The following NEK5 variants were observed in gnomAD, a reference collection of about 807,000 sequenced individuals.
The protein encoded by NEK5 is NIMA related kinase 5.
In NEK5, 88 loss-of-function variants were observed where a neutral mutation model predicts 109.2. The ratio of observed to expected loss-of-function variants is 0.81; its 90% CI spans 0.68 to 0.96. The LOEUF is 0.96. NEK5 is among the 40% of genes least tolerant of loss of function. The probability of loss-of-function intolerance (pLI) is 0.00; values close to 1 mark genes in which losing one functional copy is unlikely to be tolerated. For missense variants in NEK5, 834 were observed against 920.7 expected (o/e 0.91, Z 1.22); for synonymous variants, 283 against 299.9 (o/e 0.94, Z 0.58).
In NEK5 at chr13:52,112,335, T is replaced by C; in HGVS notation, c.245A>G (p.Tyr82Cys). The C allele has an allele frequency of 6.2e-7, 1 of 1,609,506 alleles. No individual in the cohort carries two copies. The highest frequency in any genetic ancestry group is 8.5e-7 in the Non-Finnish European group (1 of 1,176,002). Residue 82 changes from tyrosine (Y) to cysteine (C), a missense_variant, in exon 5 of 24, where the codon TAT (tyrosine) becomes TGT (cysteine). This residue lies in a region of NEK5 where 777 missense variants were observed against 824.7 expected (regional missense o/e 0.94). Coordinates refer to ENST00000684899, the MANE Select transcript of NEK5 (RefSeq NM_001365552.1). ...ENGRLFIVMEYCDGGDLMKRI... is the reference protein window; with the variant it reads ...ENGRLFIVMECCDGGDLMKRI... ...TTTCATGAGATCCCCTCCATCACAATATTCCATTACAATAAACAGCCTGCC... is the reference window on the plus strand; with the variant it reads ...TTTCATGAGATCCCCTCCATCACAACATTCCATTACAATAAACAGCCTGCC...
intron 16 of NEK5, among the ~76,000 whole-genome samples, chr13:52,084,459 T>A (rs1398993686): frequency 2.6e-5 from 4 of 152,096 alleles, no homozygotes; most frequent in Non-Finnish European, 5.9e-5. Flanking sequence ...GCTCAAGCGA[T>A]CCTTCTGCCT....
At chr13:52,099,539 A>G (rs1446235004) in intron 12 of NEK5, among the ~76,000 whole-genome samples, 2 of 152,156 alleles carry the variant, frequency 1.3e-5, no homozygotes. Flanking sequence ...GCATAGTGGC[A>G]CACGTCTGTA....
chr13:52,076,163 TACAA>T lies in NEK5; in HGVS notation c.1573-24_1573-21del. 1 of 1,361,556 alleles carries T rather than the reference TACAA, an allele frequency of 7.3e-7. No homozygotes were observed. Among genetic ancestry groups the T allele is most frequent in the Non-Finnish European group, 1.0e-6 (1 of 959,748 alleles). 84.3% of individuals were successfully genotyped at this position (1,361,556 alleles called of 1,614,324 possible). On this transcript the variant is annotated intron_variant, in intron 17 of 23. Transcript: ENST00000684899. ...AATGTCCTGAAAATTTAGAGAAAAA[TACAA>T]TTCTCTCACTGTATGTTTACATGAG... is the stretch of plus-strand genomic sequence containing the variant.
chr13:52,119,567 T>C lies in NEK5; in HGVS notation c.118-152A>G, dbSNP rs1342343802. 1.2e-5 allele frequency: 6 copies of C among 506,222 alleles called. No individual in the cohort carries two copies. In the East Asian group the frequency reaches 1.4e-4, roughly 12 times the overall value. 31.4% of individuals were successfully genotyped at this position (506,222 alleles called of 1,614,324 possible). A position where few individuals can be genotyped will look rare whatever the true frequency, so the allele number is the denominator to read the frequency against. On this transcript the variant is annotated intron_variant, in intron 3 of 23. Coordinates refer to ENST00000684899, the MANE Select transcript of NEK5 (RefSeq NM_001365552.1). ...TTTCAATGGCAGGAAACAACATTTCTAGAATTAGCAGAGTGCCCTACATCT... is the reference window on the plus strand; with the variant it reads ...TTTCAATGGCAGGAAACAACATTTCCAGAATTAGCAGAGTGCCCTACATCT...
chr13:52,038,259 T>C (rs1593912287), intron 23 of NEK5, among the ~76,000 whole-genome samples: 1 of 151,254 alleles, frequency 6.6e-6, no homozygotes, highest in Non-Finnish European at 1.5e-5. Context: ...GAGGCGGAGG[T>C]TGCAGTGAGC....
At position 52,072,041 on chromosome 13, in the gene NEK5, G is replaced by A. The variant is rs1954793400; in HGVS notation, c.1752C>T (p.Thr584=). Residue 584 remains threonine, a synonymous_variant, in exon 20 of 24, where the codon ACC becomes ACT. Transcript: ENST00000684899. ...EAMDIPNETL[T]FEDGMKFKEY... is the part of the protein sequence containing the mutation. The stretch of plus-strand genomic sequence containing the variant: ...CCTTAAACTTCATGCCATCCTCAAA[G>A]GTCAAAGTTTCATTTGGTATATCCA... 1 of 1,610,822 alleles carries A rather than the reference G, an allele frequency of 6.2e-7. No individual in the cohort carries two copies. Among genetic ancestry groups the A allele is most frequent in the Non-Finnish European group, 8.5e-7 (1 of 1,177,198 alleles).
At chr13:52,086,544 A>G (rs1393135243) in intron 15 of NEK5, among the ~76,000 whole-genome samples, 181 bp from the exon 16 acceptor site, 1 of 152,260 alleles carries the variant, frequency 6.6e-6, no homozygotes, top group African/African-American at 2.4e-5. Context: ...CCTGTGAGAC[A>G]GTGGCTTTAG....
Position 52,083,760 on chromosome 13 carries a change from T to G in NEK5, c.1480-408A>C, listed in dbSNP as rs1009721752. ...ACTGTGTTAGCCAGGATGATCTCGA[T>G]CTCCCGACCTCGTGATCCGCCCACC... On this transcript the variant is annotated intron_variant, in intron 16 of 23. Transcript: ENST00000684899. 3.3e-5 allele frequency among the ~76,000 whole-genome samples: 5 copies of G among 152,104 alleles called. No individual in the cohort carries two copies. The East Asian group carries it at 9.6e-4, about 29-fold the overall frequency.
chr13:52,056,498 T>G (rs2137716645), intron 22 of NEK5, among the ~76,000 whole-genome samples: 1 of 148,388 alleles, frequency 6.7e-6, no homozygotes, highest in South Asian at 2.2e-4. Context: ...ATATACATTT[T>G]TTTCAGCACC....
intron 15 of NEK5, among the ~76,000 whole-genome samples, 200 bp from the exon 16 acceptor site, chr13:52,086,563 C>CA: frequency 6.6e-6 from 1 of 152,174 alleles, no homozygotes; most frequent in Non-Finnish European, 1.5e-5. Flanking sequence ...AGCTACAGAG[C>CA]TCAATTTTAT....
chr13:52,103,973 T>A (rs928065663), intron 9 of NEK5, among the ~76,000 whole-genome samples: 14 of 152,006 alleles, frequency 9.2e-5, no homozygotes, highest in African/African-American at 2.4e-4. Flanking sequence ...TAATTAATTA[T>A]TTTTTTTAGA....
At chr13:52,096,702 C>G (rs957518783) in intron 12 of NEK5, among the ~76,000 whole-genome samples, 3 of 152,122 alleles carry the variant, frequency 2.0e-5, no homozygotes, top group African/African-American at 7.2e-5. Context: ...AAAAGAGAAG[C>G]AGAGTGTAAA....
At chr13:52,043,766 A>G (rs1457687260) in intron 23 of NEK5, among the ~76,000 whole-genome samples, 1 of 152,226 alleles carries the variant, frequency 6.6e-6, no homozygotes, top group East Asian at 1.9e-4. Flanking sequence ...TAGATGGGTT[A>G]AAAATGTTAA....
Position 52,127,468 on chromosome 13 carries a change from A to C in NEK5, c.15T>G (p.Asp5Glu). 1.9e-6 allele frequency: 3 copies of C among 1,599,074 alleles called. No individual in the cohort carries two copies. The highest frequency in any genetic ancestry group is 2.6e-6 in the Non-Finnish European group (3 of 1,166,562). The change falls in exon 3 of 24, where the codon GAT becomes GAG. Residue 5 changes from aspartate to glutamate, a missense_variant. Asp to Glu is a conservative substitution (Grantham distance 45, BLOSUM62 2). Transcript: ENST00000684899. MDKY[D>E]VIKAIGQGAF... ...CACCTTGCCCGATGGCCTTAATCAC[A>C]TCGTACTTATCCATGGTCTCCAATG... is the stretch of plus-strand genomic sequence containing the variant.
chr13:52,070,612 C>A (rs190257855), intron 20 of NEK5, among the ~76,000 whole-genome samples: 156 of 152,312 alleles, frequency 1.0e-3, no homozygotes, highest in Non-Finnish European at 2.0e-3. Context: ...CCTTGCCTTC[C>A]ACCATGATTG....
intron 12 of NEK5, among the ~76,000 whole-genome samples, chr13:52,096,530 C>T (rs1203796043): frequency 1.3e-5 from 2 of 152,148 alleles, no homozygotes; most frequent in Non-Finnish European, 1.5e-5. Flanking sequence ...TGTGCCACTA[C>T]CCTAGGGATC....
rs2138095629 is a variant in NEK5 at position 52,116,295 on chromosome 13, T to C, written c.214+3024A>G. On this transcript the variant is annotated intron_variant, in intron 4 of 23. Transcript: ENST00000684899. Reference sequence around the variant, plus strand: ...CTGCCTAAATAATTTTTAGAATACCTTAACCAACTTTGTTTGCTTATATTT... The same window carrying C: ...CTGCCTAAATAATTTTTAGAATACCCTAACCAACTTTGTTTGCTTATATTT... Among the ~76,000 whole-genome samples, 2 of 152,308 alleles carry C rather than the reference T, an allele frequency of 1.3e-5. 1 individual carries two copies. The highest frequency in any genetic ancestry group is 4.1e-4 in the South Asian group (2 of 4,830).
intron 23 of NEK5, among the ~76,000 whole-genome samples, chr13:52,049,194 G>A (rs552526645): frequency 1.2e-4 from 18 of 152,184 alleles, no homozygotes; most frequent in Non-Finnish European, 1.9e-4. Context: ...TGGCCAAGGT[G>A]GGAGGACAAC....
rs1168531680 is a variant in NEK5, at chr13:52,083,369, A to T, written c.1480-17T>A. 6.7e-7 allele frequency: 1 copy of T among 1,488,838 alleles called. No homozygotes were observed. Among genetic ancestry groups the T allele is most frequent in the Admixed American group, 1.7e-5 (1 of 59,844 alleles). 92.2% of individuals were successfully genotyped at this position (1,488,838 alleles called of 1,614,324 possible). ...TGAGTTCTCCTTTAACACAAATTAT[A>T]CACAGTCAACAAGATTGGTTCTGAG... On this transcript the variant is annotated splice_polypyrimidine_tract_variant and intron_variant, in intron 16 of 23. Coordinates refer to ENST00000684899, the MANE Select transcript of NEK5 (RefSeq NM_001365552.1).
Sources: allele counts gnomAD v4.1 joint callset (sites outside exome capture counted in the v4.1 genomes callset), GRCh38; gene constraint gnomAD v4.1.1; regional missense constraint gnomAD v4.1.1; transcripts MANE v1.5; gene names NCBI Gene and HGNC (gene_info 2026-07-23, HGNC 2026-07-21).